Variants in LMCD1 observed in about 807,000 individuals in gnomAD.
LMCD1 encodes LIM and cysteine rich domains 1.
In LMCD1, 32 loss-of-function variants were observed where a neutral mutation model predicts 42.7. That is an observed-to-expected ratio of 0.75 (90% CI 0.57 to 1.01). The LOEUF (loss-of-function observed/expected upper bound fraction) is 1.01, where lower values mean the gene tolerates loss of function less well. Ranked by LOEUF, LMCD1 falls within the 50% of genes least tolerant of loss-of-function variation. The pLI, the probability that LMCD1 is intolerant of heterozygous loss-of-function variation, is 0.00. For missense variants in LMCD1, 458 were observed against 483.1 expected, an observed-to-expected ratio of 0.95 and a Z score of 0.49; for synonymous variants, 178 against 184.9, an observed-to-expected ratio of 0.96 and a Z score of 0.30.
intron 3 of LMCD1, among the ~76,000 whole-genome samples, chr3:8,542,659 G>C (rs552804475): frequency 6.6e-6 from 1 of 152,324 alleles, no homozygotes; most frequent in East Asian, 1.9e-4. Flanking sequence ...AGAGATTGGG[G>C]AATATTTTTC....
At chr3:8,545,632 G>A (rs1228555092) in intron 3 of LMCD1, among the ~76,000 whole-genome samples, 3 of 152,138 alleles carry the variant, frequency 2.0e-5, no homozygotes, top group Admixed American at 2.0e-4. Context: ...AGATTTACCA[G>A]GATTCTTGTT....
chr3:8,522,910 A>G (rs1400753079), intron 1 of LMCD1, among the ~76,000 whole-genome samples: 2 of 152,188 alleles, frequency 1.3e-5, no homozygotes, highest in African/African-American at 4.8e-5. Context: ...GACACCAGAA[A>G]CTCCTGACAT....
chr3:8,543,477 A>G (rs545608025), intron 3 of LMCD1, among the ~76,000 whole-genome samples: 7 of 151,948 alleles, frequency 4.6e-5, no homozygotes, highest in Non-Finnish European at 1.0e-4. Flanking sequence ...ACAGACAGAT[A>G]GACAGACAGA....
chr3:8,520,688 C>T (rs1019753723), intron 1 of LMCD1, among the ~76,000 whole-genome samples: 2 of 152,096 alleles, frequency 1.3e-5, no homozygotes, highest in African/African-American at 4.8e-5. Flanking sequence ...AAGACAACTC[C>T]AAGAGAAAAA....
intron 2 of LMCD1, among the ~76,000 whole-genome samples, chr3:8,536,354 G>A (rs1694507909): frequency 6.6e-6 from 1 of 152,182 alleles, no homozygotes; most frequent in South Asian, 2.1e-4. Context: ...TTAACAGCAT[G>A]ACACCAAGTA....
rs1199043820 is a variant in LMCD1 at position 8,568,707 on chromosome 3, A to AT, written c.*1113dup. ...GGTCTTTGGGCCAAATTGTATCTCC[A>AT]TTTTATGGTCTCTCTGAACATTTTC... On this transcript the variant is annotated 3_prime_UTR_variant, in exon 6 of 6. Coordinates refer to ENST00000157600, the MANE Select transcript of LMCD1 (RefSeq NM_014583.4). 2.0e-5 allele frequency: 3 copies of AT among 152,174 alleles called. No individual in the cohort carries two copies. The highest frequency in any genetic ancestry group is 4.4e-5 in the Non-Finnish European group (3 of 68,018). The allele number at this position is 152,174 out of a possible 1,614,324, so 9.4% of individuals were successfully genotyped here. A position where few individuals can be genotyped will look rare whatever the true frequency, so the allele number is the denominator to read the frequency against.
intron 1 of LMCD1, among the ~76,000 whole-genome samples, chr3:8,502,268 TA>T (rs1693739287): frequency 1.3e-5 from 1 of 75,546 alleles, no homozygotes. Context: ...GTATATAAAA[TA>T]TATATATAAA....
chr3:8,540,905 G>A (rs1309190460), intron 3 of LMCD1, among the ~76,000 whole-genome samples: 1 of 152,182 alleles, frequency 6.6e-6, no homozygotes, highest in Non-Finnish European at 1.5e-5. Flanking sequence ...CAGACCCATG[G>A]CAGGCATTAC....
chr3:8,542,370 C>T (rs573032882), intron 3 of LMCD1, among the ~76,000 whole-genome samples: 1 of 152,300 alleles, frequency 6.6e-6, no homozygotes, highest in East Asian at 1.9e-4. Flanking sequence ...TTCTCCAAGG[C>T]TCCAGCCAGG....
At chr3:8,564,590 ATAT>A (rs1695095228) in intron 4 of LMCD1, among the ~76,000 whole-genome samples, 1 of 152,224 alleles carries the variant, frequency 6.6e-6, no homozygotes. Context: ...TATTTATTAA[ATAT>A]TATTTAAAAC....
intron 4 of LMCD1, 69 bp downstream of exon 4, chr3:8,548,972 A>C: frequency 8.5e-7 from 1 of 1,170,296 alleles, no homozygotes. Context: ...TCAGGGCCCC[A>C]TCACGGGGCT....
intron 1 of LMCD1, among the ~76,000 whole-genome samples, chr3:8,503,309 C>T (rs1021886859): frequency 3.3e-5 from 5 of 152,182 alleles, no homozygotes; most frequent in Non-Finnish European, 7.4e-5. Flanking sequence ...CTTCTGTAGA[C>T]CACCTGCCCA....
chr3:8,509,035 C>G (rs1574945041), intron 1 of LMCD1, among the ~76,000 whole-genome samples: 1 of 152,190 alleles, frequency 6.6e-6, no homozygotes, highest in East Asian at 1.9e-4. Context: ...CTCTCTGGAC[C>G]TCTGGTTCCT....
chr3:8,508,969 T>A (rs914743317), intron 1 of LMCD1, among the ~76,000 whole-genome samples: 1 of 152,214 alleles, frequency 6.6e-6, no homozygotes, highest in Non-Finnish European at 1.5e-5. Context: ...AAGATCTAGA[T>A]GTGACCTGCA....
At chr3:8,514,550 A>G (rs1694064125) in intron 1 of LMCD1, among the ~76,000 whole-genome samples, 1 of 152,208 alleles carries the variant, frequency 6.6e-6, no homozygotes, top group Non-Finnish European at 1.5e-5. Flanking sequence ...TCACAAAAAA[A>G]TTTTGGGCAA....
At chr3:8,529,079 G>A (rs777377099) in intron 1 of LMCD1, among the ~76,000 whole-genome samples, 2 of 152,118 alleles carry the variant, frequency 1.3e-5, no homozygotes, top group African/African-American at 2.4e-5. Flanking sequence ...GTGAGACACT[G>A]TGCCGTCTTT....
At chr3:8,534,062 TG>T (rs1414105034) in intron 2 of LMCD1, among the ~76,000 whole-genome samples, 1 of 152,052 alleles carries the variant, frequency 6.6e-6, no homozygotes, top group African/African-American at 2.4e-5. Context: ...CTTTCTGGCC[TG>T]GAAAGAAAGT....
intron 1 of LMCD1, among the ~76,000 whole-genome samples, chr3:8,505,355 C>A (rs1161278495): frequency 6.6e-6 from 1 of 152,150 alleles, no homozygotes; most frequent in Non-Finnish European, 1.5e-5. Flanking sequence ...ACATGGATTG[C>A]CAGTTATTGA....
chr3:8,525,873 T>A (rs1249003358), intron 1 of LMCD1, among the ~76,000 whole-genome samples: 1 of 152,146 alleles, frequency 6.6e-6, no homozygotes, highest in Non-Finnish European at 1.5e-5. Context: ...GTGGCAAAAT[T>A]TGCCTGGAAT....
Sources: gnomAD v4.1 joint callset for allele counts (sites outside exome capture counted in the v4.1 genomes callset) on GRCh38, gnomAD v4.1.1 for gene constraint, MANE v1.5 for transcripts, NCBI Gene and HGNC (gene_info 2026-07-23, HGNC 2026-07-21) for gene names.